ATP8A1: variants seen among roughly 807,000 people sequenced by gnomAD.
ATP8A1 encodes the protein phospholipid-transporting ATPase IA.
ATP8A1 carries 90 observed loss-of-function variants against 177.7 expected under a neutral mutation model. That is an observed-to-expected ratio of 0.51 (90% CI 0.43 to 0.60). The LOEUF (loss-of-function observed/expected upper bound fraction) is 0.60, where lower values mean the gene tolerates loss of function less well. ATP8A1 is among the 20% of genes least tolerant of loss of function. ATP8A1 has a pLI of 0.00. For synonymous variants in ATP8A1, 493 were observed against 485.9 expected (o/e 1.01, Z -0.19); for missense variants, 1,072 against 1,392.8 (o/e 0.77, Z 3.67).
At chr4:42,445,579 T>C (rs1477184755) in intron 31 of ATP8A1, among the ~76,000 whole-genome samples, 2 of 152,200 alleles carry the variant, frequency 1.3e-5, no homozygotes, top group Admixed American at 6.5e-5. Flanking sequence ...GATCAATAAA[T>C]GCTTGAAGTG....
chr4:42,451,496 T>C (rs781360729), intron 30 of ATP8A1, among the ~76,000 whole-genome samples: 2 of 152,130 alleles, frequency 1.3e-5, no homozygotes, highest in African/African-American at 2.4e-5. Context: ...GAGAATAAAA[T>C]CACTTCCCTC....
At chr4:42,649,404 ATAGT>A (rs1427336908) in intron 1 of ATP8A1, among the ~76,000 whole-genome samples, 1 of 152,202 alleles carries the variant, frequency 6.6e-6, no homozygotes, top group Non-Finnish European at 1.5e-5. Flanking sequence ...TTTCTGGAAA[ATAGT>A]TGGGAAGGAC....
At chr4:42,478,131 G>T (rs1721277039) in intron 25 of ATP8A1, among the ~76,000 whole-genome samples, 1 of 152,084 alleles carries the variant, frequency 6.6e-6, no homozygotes, top group Non-Finnish European at 1.5e-5. Flanking sequence ...GAGGCAGGTG[G>T]ATCCCTTGAG....
At chr4:42,503,568 G>A (rs1440755687) in intron 23 of ATP8A1, 54 bp from the exon 24 acceptor site, 5 of 1,202,234 alleles carry the variant, frequency 4.2e-6, no homozygotes. Context: ...AATATGTAAA[G>A]ATGTTAAAAC....
At chr4:42,578,517 TA>T (rs1732702509) in intron 11 of ATP8A1, 130 bp from the exon 12 acceptor site, 5 of 948,392 alleles carry the variant, frequency 5.3e-6, no homozygotes, top group African/African-American at 1.7e-5. Flanking sequence ...ACTTTGCTGA[TA>T]ATCTATCCTA....
chr4:42,642,789 G>A (rs1019861178), intron 1 of ATP8A1, among the ~76,000 whole-genome samples: 5 of 152,108 alleles, frequency 3.3e-5, no homozygotes, highest in African/African-American at 1.2e-4. Flanking sequence ...CATGAAATTA[G>A]CTCCCTAGAC....
intron 22 of ATP8A1, among the ~76,000 whole-genome samples, chr4:42,510,198 C>T (rs1724870312): frequency 6.6e-6 from 1 of 152,134 alleles, no homozygotes; most frequent in Non-Finnish European, 1.5e-5. Context: ...TGATGCATGA[C>T]TTCTTAGTGT....
chr4:42,590,793 C>T lies in ATP8A1; in HGVS notation c.524+18G>A, dbSNP rs369052451. 34 of 1,612,214 alleles carry T rather than the reference C, an allele frequency of 2.1e-5. No individual in the cohort carries two copies. The highest frequency in any genetic ancestry group is 2.3e-5 in the Non-Finnish European group (27 of 1,178,746). ...AGGACCCACATACACGCATCCTATA[C>T]GACTCAGTGGTTCTAACCTTGAGGA... is the stretch of plus-strand genomic sequence containing the variant. On this transcript the variant is annotated intron_variant, in intron 7 of 36. Transcript: ENST00000381668.
Position 42,485,614 on chromosome 4 carries a change from T to G in ATP8A1, c.2206A>C (p.Lys736Gln), listed in dbSNP as rs368840018. The G allele has an allele frequency of 3.7e-6, 6 of 1,613,624 alleles. No individual in the cohort carries two copies. The highest frequency in any genetic ancestry group is 5.1e-6 in the Non-Finnish European group (6 of 1,179,750). ...ATTATAAGAGCAAAATCATTCTCTT[T>G]CCGGAGAGCATCACCAAGGGTAGTA... ...HCTTLGDALR[K>Q]ENDFALIIDG... is the part of the protein sequence containing the mutation. Residue 736 changes from lysine to glutamine, a missense_variant, in exon 25 of 37, where the codon AAA becomes CAA. Lys to Gln is a moderately conservative substitution (Grantham distance 53). Coordinates refer to ENST00000381668, the MANE Select transcript of ATP8A1 (RefSeq NM_006095.2).
chr4:42,566,503 G>A lies in ATP8A1; in HGVS notation c.1340+2658C>T, dbSNP rs149331230. On this transcript the variant is annotated intron_variant, in intron 15 of 36. Transcript: ENST00000381668. Reference sequence around the variant, plus strand: ...AATGTGAAACCAAGTGGATGAGGTTGGGCAAATGCTCAAAGTTGTGCAAAG... The same window carrying A: ...AATGTGAAACCAAGTGGATGAGGTTAGGCAAATGCTCAAAGTTGTGCAAAG... 2.9e-3 allele frequency among the ~76,000 whole-genome samples: 447 copies of A among 152,220 alleles called. 6 individuals carry two copies. Among genetic ancestry groups the A allele is most frequent in the African/African-American group, 0.01 (418 of 41,544 alleles).
intron 6 of ATP8A1, among the ~76,000 whole-genome samples, chr4:42,592,326 T>C (rs1031484710): frequency 6.6e-6 from 1 of 152,124 alleles, no homozygotes; most frequent in Non-Finnish European, 1.5e-5. Context: ...ACAAATTCTG[T>C]AAAAGTGGTC....
At chr4:42,453,657 A>AAATCACAATTG in intron 29 of ATP8A1, among the ~76,000 whole-genome samples, 2 of 152,362 alleles carry the variant, frequency 1.3e-5, no homozygotes, top group East Asian at 3.9e-4. Flanking sequence ...GATTTGGGGT[A>AAATCACAATTG]ATTCTGTGAG....
chr4:42,569,466 TCA>T (rs1314374985), intron 14 of ATP8A1, among the ~76,000 whole-genome samples: 4 of 152,206 alleles, frequency 2.6e-5, no homozygotes, highest in Admixed American at 6.5e-5. Context: ...CTGATTTTAT[TCA>T]CAAAGTTCAT....
At chr4:42,553,174 G>T (rs965768067) in intron 16 of ATP8A1, among the ~76,000 whole-genome samples, 1 of 152,186 alleles carries the variant, frequency 6.6e-6, no homozygotes, top group South Asian at 2.1e-4. Flanking sequence ...ACAACTTGGT[G>T]TTGTCAAATA....
At chr4:42,616,825 G>A (rs916935939) in intron 4 of ATP8A1, among the ~76,000 whole-genome samples, 1 of 152,186 alleles carries the variant, frequency 6.6e-6, no homozygotes, top group African/African-American at 2.4e-5. Flanking sequence ...AGAAACAGAA[G>A]GTCAGAGGAA....
chr4:42,512,592 G>C (rs116956377), intron 22 of ATP8A1, among the ~76,000 whole-genome samples: 1 of 152,188 alleles, frequency 6.6e-6, no homozygotes, highest in Non-Finnish European at 1.5e-5. Flanking sequence ...TGGCTGCCTC[G>C]TTTTCTAACT....
intron 20 of ATP8A1, among the ~76,000 whole-genome samples, chr4:42,539,901 T>C (rs1728215917): frequency 6.6e-6 from 1 of 152,128 alleles, no homozygotes; most frequent in African/African-American, 2.4e-5. Context: ...AAAAAATTTA[T>C]GACCAAGATC....
chr4:42,656,453 G>T (rs1051651580), intron 1 of ATP8A1, among the ~76,000 whole-genome samples: 6 of 152,192 alleles, frequency 3.9e-5, no homozygotes, highest in Non-Finnish European at 7.4e-5. Flanking sequence ...CAGATAGGGG[G>T]TTGCAAAACG....
intron 35 of ATP8A1, among the ~76,000 whole-genome samples, chr4:42,421,180 G>A (rs3935448): frequency 0.38 from 57,229 of 151,966 alleles, 11,094 homozygotes; most frequent in African/African-American, 0.45. Flanking sequence ...ATCCTGTGAT[G>A]CAAATTTTTA....
Sources: allele counts gnomAD v4.1 joint callset (sites outside exome capture counted in the v4.1 genomes callset), GRCh38; gene constraint gnomAD v4.1.1; transcripts MANE v1.5; gene names NCBI Gene and HGNC (gene_info 2026-07-23, HGNC 2026-07-21).